The following LRP1B variants were observed in gnomAD, a reference collection of about 807,000 sequenced individuals.
The protein encoded by LRP1B is LDL receptor related protein 1B, also known as low-density lipoprotein receptor-related protein 1B.
LRP1B carries 217 observed loss-of-function variants against 556.6 expected under a neutral mutation model. The ratio of observed to expected loss-of-function variants is 0.39; its 90% CI spans 0.35 to 0.44. The LOEUF is 0.44. Ranked by LOEUF, LRP1B falls within the 20% of genes least tolerant of loss-of-function variation. LRP1B has a pLI of 1.00. For missense variants in LRP1B, 5,053 were observed against 5,620.8 expected, an observed-to-expected ratio of 0.90 and a Z score of 3.23; for synonymous variants, 2,047 against 1,865.8, an observed-to-expected ratio of 1.10 and a Z score of -2.50.
chr2:141,013,870 T>C lies in LRP1B; in HGVS notation c.2191-125A>G, dbSNP rs546949321. 5.6e-4 allele frequency: 299 copies of C among 535,554 alleles called. 2 individuals carry two copies. The highest frequency in any genetic ancestry group is 3.1e-3 in the Middle Eastern group (7 of 2,224). 33.2% of individuals were successfully genotyped at this position (535,554 alleles called of 1,614,324 possible). On this transcript the variant is annotated intron_variant, in intron 13 of 90. Coordinates refer to ENST00000389484, the MANE Select transcript of LRP1B (RefSeq NM_018557.3). ...ATCTCATATCTTAACTCATTTTCTC[T>C]GATAGATTTAAAAAATGGATTTCAC...
chr2:141,958,205 G>A (rs565611410), intron 1 of LRP1B, among the ~76,000 whole-genome samples: 1 of 152,140 alleles, frequency 6.6e-6, no homozygotes, highest in South Asian at 2.1e-4. Flanking sequence ...CTTGCACACA[G>A]CCAAACATTG....
chr2:140,307,197 ATTTAAATTGTGTAAC>A (rs1684104113), intron 83 of LRP1B, among the ~76,000 whole-genome samples: 1 of 151,956 alleles, frequency 6.6e-6, no homozygotes, highest in Admixed American at 6.6e-5. Flanking sequence ...CACGTTTGAT[ATTTAAATTGTGTAAC>A]TTTAGAAAAC....
At chr2:141,752,943 C>CAAAAAAAAAAAAAAAAAAAAAAAAA (rs1406424286) in intron 2 of LRP1B, among the ~76,000 whole-genome samples, 1 of 994 alleles carries the variant, frequency 1.0e-3, no homozygotes, top group Non-Finnish European at 2.6e-3. Flanking sequence ...GACCCTGTCT[C>CAAAAAAAAAAAAAAAAAAAAAAAAA]AGAAAAAAAA....
At chr2:141,354,332 G>C (rs1688548383) in intron 3 of LRP1B, among the ~76,000 whole-genome samples, 1 of 152,038 alleles carries the variant, frequency 6.6e-6, no homozygotes, top group Non-Finnish European at 1.5e-5. Flanking sequence ...AAGGTCAGCA[G>C]AACCCATCAC....
At chr2:141,030,672 G>A (rs1371215822) in intron 11 of LRP1B, among the ~76,000 whole-genome samples, 3 of 151,972 alleles carry the variant, frequency 2.0e-5, no homozygotes, top group African/African-American at 7.2e-5. Flanking sequence ...ATGGTTATCA[G>A]ACCATCACCA....
chr2:140,611,930 T>C (rs191142012), intron 41 of LRP1B, among the ~76,000 whole-genome samples: 1 of 152,254 alleles, frequency 6.6e-6, no homozygotes, highest in Non-Finnish European at 1.5e-5. Flanking sequence ...AAAGATTTCT[T>C]ATTGAAATGT....
intron 3 of LRP1B, among the ~76,000 whole-genome samples, chr2:141,357,200 C>T (rs757981175): frequency 3.9e-5 from 6 of 151,916 alleles, no homozygotes; most frequent in East Asian, 1.9e-4. Context: ...GGACTACAGG[C>T]GTGCACCACC....
At chr2:141,574,774 A>T (rs187785176) in intron 2 of LRP1B, among the ~76,000 whole-genome samples, 6 of 152,304 alleles carry the variant, frequency 3.9e-5, no homozygotes, top group African/African-American at 1.2e-4. Flanking sequence ...ATACAAAATC[A>T]ATGTGTGAAA....
chr2:141,236,409 T>G (rs1215431109), intron 5 of LRP1B, among the ~76,000 whole-genome samples: 1 of 152,096 alleles, frequency 6.6e-6, no homozygotes, highest in Non-Finnish European at 1.5e-5. Context: ...AGAGATGATC[T>G]CATAGAAATA....
intron 2 of LRP1B, among the ~76,000 whole-genome samples, chr2:141,606,260 A>C (rs17735674): frequency 0.08 from 12,136 of 152,282 alleles, 566 homozygotes; most frequent in South Asian, 0.13. Flanking sequence ...CAGATTGAAC[A>C]CTGAAAATAA....
At chr2:140,961,510 AAAAG>A (rs1423572000) in intron 18 of LRP1B, among the ~76,000 whole-genome samples, 5 of 152,204 alleles carry the variant, frequency 3.3e-5, no homozygotes, top group East Asian at 1.9e-4. Context: ...CAAATATTTA[AAAAG>A]AAAGAGTTAC....
chr2:140,884,580 C>T (rs1162977451), intron 24 of LRP1B, among the ~76,000 whole-genome samples: 1 of 151,944 alleles, frequency 6.6e-6, no homozygotes, highest in African/African-American at 2.4e-5. Context: ...CACCTGGGAC[C>T]CTAAGACTTG....
At chr2:140,416,653 TAA>T (rs113247793) in intron 66 of LRP1B, among the ~76,000 whole-genome samples, 14 of 146,618 alleles carry the variant, frequency 9.5e-5, no homozygotes, top group Middle Eastern at 3.4e-3. Context: ...AAACTCTGTC[TAA>T]AAAAAAAAAC....
chr2:141,755,404 GA>G (rs1694279195), intron 2 of LRP1B, among the ~76,000 whole-genome samples: 1 of 151,690 alleles, frequency 6.6e-6, no homozygotes, highest in African/African-American at 2.4e-5. Context: ...TACCTATGAG[GA>G]AAAAAATTAG....
chr2:140,875,514 G>T (rs1693277900), intron 25 of LRP1B, among the ~76,000 whole-genome samples: 1 of 152,022 alleles, frequency 6.6e-6, no homozygotes, highest in Admixed American at 6.6e-5. Context: ...AATAATGAAG[G>T]CCTTCACCTC....
At chr2:141,016,177 G>A (rs1344415543) in intron 12 of LRP1B, among the ~76,000 whole-genome samples, 1 of 152,006 alleles carries the variant, frequency 6.6e-6, no homozygotes, top group East Asian at 1.9e-4. Flanking sequence ...ATGCATTAAT[G>A]AACCTGACAG....
intron 10 of LRP1B, among the ~76,000 whole-genome samples, chr2:141,051,326 A>G (rs1232140494): frequency 6.6e-6 from 1 of 152,230 alleles, no homozygotes; most frequent in Middle Eastern, 3.4e-3. Context: ...ATACATGCAC[A>G]TGTATGCTTA....
Position 141,218,248 on chromosome 2 carries a change from C to G in LRP1B, c.850+10935G>C, listed in dbSNP as rs190427493. ...TTGAGATTTCTCAAATAACTAAAAA[C>G]AGAATTACTATTCAACCTAGTGATC... On this transcript the variant is annotated intron_variant, in intron 6 of 90. Transcript: ENST00000389484. Among the ~76,000 whole-genome samples the G allele has an allele frequency of 3.9e-3, 601 of 152,230 alleles. 5 individuals carry two copies. The highest frequency in any genetic ancestry group is 0.013 in the African/African-American group (560 of 41,548).
At chr2:141,211,477 G>A (rs1036688046) in intron 6 of LRP1B, among the ~76,000 whole-genome samples, 6 of 151,702 alleles carry the variant, frequency 4.0e-5, no homozygotes, top group Non-Finnish European at 7.4e-5. Flanking sequence ...AATACTAGCC[G>A]GCCCTGGTGG....
Sources: allele counts gnomAD v4.1 joint callset (sites outside exome capture counted in the v4.1 genomes callset), GRCh38; gene constraint gnomAD v4.1.1; transcripts MANE v1.5; gene names NCBI Gene and HGNC (gene_info 2026-07-23, HGNC 2026-07-21).